The following ARHGAP24 variants were observed in gnomAD, a reference collection of about 807,000 sequenced individuals.
The protein encoded by ARHGAP24 is rho GTPase-activating protein 24.
A neutral mutation model predicts 76.4 loss-of-function variants in ARHGAP24; 50 were observed. The ratio of observed to expected loss-of-function variants is 0.65; its 90% confidence interval spans 0.52 to 0.83. ARHGAP24 has a LOEUF of 0.83. Among genes scored for constraint, ARHGAP24 ranks in the 40% least tolerant of loss-of-function variants. ARHGAP24 has a pLI of 0.00. For synonymous variants in ARHGAP24, 345 were observed against 323.3 expected (o/e 1.07, Z -0.72); for missense variants, 930 against 914.2 (o/e 1.02, Z -0.22).
chr4:85,627,059 C>G (rs1455273229), intron 2 of ARHGAP24, among the ~76,000 whole-genome samples: 1 of 152,154 alleles, frequency 6.6e-6, no homozygotes, highest in Non-Finnish European at 1.5e-5. Context: ...TCATCTGAAG[C>G]CTTCTTCTCT....
At chr4:85,708,724 A>C (rs1369753248) in intron 2 of ARHGAP24, among the ~76,000 whole-genome samples, 2 of 152,194 alleles carry the variant, frequency 1.3e-5, no homozygotes, top group African/African-American at 4.8e-5. Context: ...AACCCCACCA[A>C]GGGGTTTTTC....
chr4:85,581,068 C>T (rs771066496), intron 2 of ARHGAP24, among the ~76,000 whole-genome samples: 1 of 152,096 alleles, frequency 6.6e-6, no homozygotes, highest in Non-Finnish European at 1.5e-5. Context: ...AATTTTTCCA[C>T]AATTGTAAAA....
intron 2 of ARHGAP24, among the ~76,000 whole-genome samples, chr4:85,635,216 CTT>C (rs1024841764): frequency 6.6e-6 from 1 of 151,820 alleles, no homozygotes; most frequent in African/African-American, 2.4e-5. Flanking sequence ...AAAATGAAGA[CTT>C]TACCTGCCAA....
intron 2 of ARHGAP24, among the ~76,000 whole-genome samples, chr4:85,609,737 T>A (rs1306390851): frequency 6.6e-6 from 1 of 152,120 alleles, no homozygotes; most frequent in Non-Finnish European, 1.5e-5. Context: ...TGGGACACAG[T>A]GTGATGTCTT....
intron 1 of ARHGAP24, among the ~76,000 whole-genome samples, chr4:85,503,962 A>G (rs559690883): frequency 6.6e-6 from 1 of 152,248 alleles, no homozygotes; most frequent in Non-Finnish European, 1.5e-5. Context: ...TTCTGCCTTC[A>G]TTTAGTTATT....
intron 3 of ARHGAP24, among the ~76,000 whole-genome samples, chr4:85,760,052 AT>A (rs1366233085): frequency 8.9e-6 from 1 of 112,878 alleles, no homozygotes; most frequent in Non-Finnish European, 2.4e-5. Flanking sequence ...TTTTTTCCTT[AT>A]TTCTTCTGAA....
At chr4:85,644,856 T>C (rs2109974307) in intron 2 of ARHGAP24, among the ~76,000 whole-genome samples, 1 of 152,232 alleles carries the variant, frequency 6.6e-6, no homozygotes, top group Middle Eastern at 3.4e-3. Context: ...CAAGATCTGG[T>C]AAAATCTCAT....
chr4:85,704,244 T>C (rs1227082893), intron 2 of ARHGAP24, among the ~76,000 whole-genome samples: 1 of 152,214 alleles, frequency 6.6e-6, no homozygotes, highest in Non-Finnish European at 1.5e-5. Context: ...ACTATGTACA[T>C]TTGCATACAG....
At chr4:85,784,834 G>C (rs899455187) in intron 3 of ARHGAP24, among the ~76,000 whole-genome samples, 1 of 151,646 alleles carries the variant, frequency 6.6e-6, no homozygotes, top group Non-Finnish European at 1.5e-5. Flanking sequence ...TTAGCCTACT[G>C]TCCCCGCCCC....
At chr4:85,624,780 CT>C (rs1456918516) in intron 2 of ARHGAP24, among the ~76,000 whole-genome samples, 1 of 152,138 alleles carries the variant, frequency 6.6e-6, no homozygotes. Context: ...AGGGATTCAC[CT>C]TCTTCCTGGT....
chr4:85,529,437 G>A (rs549398155), intron 1 of ARHGAP24, among the ~76,000 whole-genome samples: 11 of 152,072 alleles, frequency 7.2e-5, no homozygotes, highest in South Asian at 2.1e-4. Context: ...GAAACCTGTC[G>A]GAGAACCTAC....
chr4:85,575,601 A>G (rs1179730889), intron 2 of ARHGAP24, among the ~76,000 whole-genome samples: 1 of 152,214 alleles, frequency 6.6e-6, no homozygotes. Flanking sequence ...TGTTTCATCA[A>G]TCATGACAAA....
chr4:85,864,575 A>T (rs1412588246), intron 3 of ARHGAP24, among the ~76,000 whole-genome samples: 1 of 151,746 alleles, frequency 6.6e-6, no homozygotes, highest in Non-Finnish European at 1.5e-5. Flanking sequence ...CAAACTTATG[A>T]TAGACAGGCA....
intron 3 of ARHGAP24, among the ~76,000 whole-genome samples, chr4:85,786,385 C>T (rs1727844556): frequency 6.6e-6 from 1 of 152,186 alleles, no homozygotes; most frequent in Non-Finnish European, 1.5e-5. Flanking sequence ...CTCTTTCATT[C>T]ATAGGAGCTA....
intron 1 of ARHGAP24, among the ~76,000 whole-genome samples, chr4:85,490,931 A>C (rs1723329513): frequency 6.6e-6 from 1 of 152,190 alleles, no homozygotes; most frequent in African/African-American, 2.4e-5. Flanking sequence ...TCTCATCTTC[A>C]TATGTTTATT....
chr4:85,965,173 C>T (rs1484416846), intron 5 of ARHGAP24, among the ~76,000 whole-genome samples: 1 of 152,128 alleles, frequency 6.6e-6, no homozygotes. Context: ...GCTGGGGAAG[C>T]CTCACAATCA....
chr4:85,843,728 C>A (rs989123781), intron 3 of ARHGAP24, among the ~76,000 whole-genome samples: 10 of 151,906 alleles, frequency 6.6e-5, no homozygotes, highest in African/African-American at 2.2e-4. Flanking sequence ...AGTTAAGCCA[C>A]CTATTTATTT....
intron 3 of ARHGAP24, among the ~76,000 whole-genome samples, chr4:85,775,443 G>A (rs556301178): frequency 3.9e-5 from 6 of 152,240 alleles, no homozygotes; most frequent in South Asian, 2.1e-4. Context: ...CAATCATGAC[G>A]GAAGGTTAAA....
chr4:85,855,772 G>GAAA (rs11406317), intron 3 of ARHGAP24, among the ~76,000 whole-genome samples: 4 of 140,816 alleles, frequency 2.8e-5, no homozygotes, highest in Non-Finnish European at 4.6e-5. Flanking sequence ...AAGCAAAAAA[G>GAAA]AAAAAAAAAA....
Sources: gnomAD v4.1 joint callset for allele counts (sites outside exome capture counted in the v4.1 genomes callset) on GRCh38, gnomAD v4.1.1 for gene constraint, MANE v1.5 for transcripts, NCBI Gene and HGNC (gene_info 2026-07-23, HGNC 2026-07-21) for gene names.